HECW1: variants seen among roughly 807,000 people sequenced by gnomAD.
HECW1 encodes the protein E3 ubiquitin-protein ligase HECW1.
In HECW1, 61 loss-of-function variants were observed where a neutral mutation model predicts 182.3. The observed-to-expected ratio is 0.33, with a 90% confidence interval of 0.27 to 0.41. The LOEUF (loss-of-function observed/expected upper bound fraction) is 0.41. Among genes scored for constraint, HECW1 ranks in the 10% least tolerant of loss-of-function variants. The pLI, the probability that HECW1 is intolerant of heterozygous loss-of-function variation, is 1.00. For synonymous variants in HECW1, 859 were observed against 832.6 expected (o/e 1.03, Z -0.55); for missense variants, 1,739 against 2,108.9 (o/e 0.82, Z 3.44).
At chr7:43,423,271 T>A (rs1279325111) in intron 8 of HECW1, among the ~76,000 whole-genome samples, 1 of 152,228 alleles carries the variant, frequency 6.6e-6, no homozygotes, top group African/African-American at 2.4e-5. Context: ...TTCCCTGACA[T>A]AGACAACCAT....
At chr7:43,304,551 C>T (rs1002215176) in intron 3 of HECW1, among the ~76,000 whole-genome samples, 14 of 151,756 alleles carry the variant, frequency 9.2e-5, no homozygotes, top group African/African-American at 1.9e-4. Context: ...AGTGCAGTGG[C>T]GCAATCTTAG....
intron 3 of HECW1, among the ~76,000 whole-genome samples, chr7:43,282,800 A>G (rs1001335104): frequency 2.0e-5 from 3 of 152,204 alleles, no homozygotes; most frequent in Admixed American, 6.5e-5. Flanking sequence ...ACAGCATGAT[A>G]TTCACAGCAT....
chr7:43,507,979 A>C, intron 22 of HECW1, 39 bp from the exon 23 acceptor site: 2 of 1,443,994 alleles, frequency 1.4e-6, no homozygotes, highest in Non-Finnish European at 1.9e-6. Context: ...CAGCATCCTG[A>C]CTTCAGGGCC....
chr7:43,212,766 T>C (rs922669733), intron 2 of HECW1, among the ~76,000 whole-genome samples: 2 of 152,240 alleles, frequency 1.3e-5, no homozygotes, highest in African/African-American at 4.8e-5. Flanking sequence ...TTTTACTTTA[T>C]TTCCAGTCAT....
chr7:43,450,161 C>G (rs138995492), intron 11 of HECW1, among the ~76,000 whole-genome samples: 7 of 152,144 alleles, frequency 4.6e-5, no homozygotes, highest in Non-Finnish European at 7.3e-5. Context: ...GTCCTTTCCT[C>G]TTTCCGGAGC....
intron 3 of HECW1, among the ~76,000 whole-genome samples, chr7:43,302,917 C>T (rs1807022724): frequency 1.3e-5 from 2 of 150,776 alleles, no homozygotes; most frequent in Admixed American, 1.3e-4. Context: ...CTTACACACA[C>T]ACCACACACA....
chr7:43,558,291 G>C (rs1176566176), intron 29 of HECW1, among the ~76,000 whole-genome samples: 1 of 152,132 alleles, frequency 6.6e-6, no homozygotes, highest in Non-Finnish European at 1.5e-5. Context: ...TTTACCTTTG[G>C]GGCAGGGACC....
chr7:43,112,678 C>T lies in HECW1; in HGVS notation c.-526C>T, dbSNP rs1472578611. ...GGCGCTGTTGTTGGAGCCGGAACAC[C>T]GTGCGACTCTGACCGAACCGGCCCC... On this transcript the variant is annotated 5_prime_UTR_variant, in exon 1 of 30. Coordinates refer to ENST00000395891, the MANE Select transcript of HECW1 (RefSeq NM_015052.5). 4.3e-6 allele frequency: 1 copy of T among 229,930 alleles called. No homozygotes were observed. The highest frequency in any genetic ancestry group is 1.8e-4 in the South Asian group (1 of 5,498). The allele number at this position is 229,930 out of a possible 1,614,324, so 14.2% of individuals were successfully genotyped here. A position where few individuals can be genotyped will look rare whatever the true frequency, so the allele number is the denominator to read the frequency against.
chr7:43,338,183 C>T (rs944556374), intron 5 of HECW1, among the ~76,000 whole-genome samples: 1 of 152,110 alleles, frequency 6.6e-6, no homozygotes, highest in Non-Finnish European at 1.5e-5. Context: ...CTGCTCTTGT[C>T]GTTGGCCTGG....
intron 2 of HECW1, among the ~76,000 whole-genome samples, chr7:43,219,639 TAGAACAGAAC>T (rs563382870): frequency 8.6e-5 from 13 of 150,902 alleles, no homozygotes; most frequent in South Asian, 4.2e-4. Context: ...ATAATTAGAA[TAGAACAGAAC>T]AGAACAGAAC....
intron 6 of HECW1, among the ~76,000 whole-genome samples, chr7:43,362,108 G>A (rs1816014584): frequency 1.6e-5 from 2 of 124,584 alleles, no homozygotes; most frequent in Non-Finnish European, 3.2e-5. Flanking sequence ...TCCAGCCTGG[G>A]CAACAAGAGT....
At chr7:43,203,377 C>T (rs760839267) in intron 2 of HECW1, among the ~76,000 whole-genome samples, 1 of 151,844 alleles carries the variant, frequency 6.6e-6, no homozygotes, top group Non-Finnish European at 1.5e-5. Flanking sequence ...TTTCCTTCTT[C>T]GATTATTTTT....
At chr7:43,247,010 T>A (rs11982278) in intron 3 of HECW1, among the ~76,000 whole-genome samples, 17,799 of 151,804 alleles carry the variant, frequency 0.12, 1,772 homozygotes, top group African/African-American at 0.27. Flanking sequence ...GTGGAAGGAG[T>A]TGGTGGCTGG....
rs149840474 is a variant in HECW1 at position 43,497,580 on chromosome 7, G to A, written c.3438-3119G>A. 2.3e-4 allele frequency among the ~76,000 whole-genome samples: 35 copies of A among 152,254 alleles called. No homozygotes were observed. The East Asian group carries it at 6.6e-3, about 29-fold the overall frequency. On this transcript the variant is annotated intron_variant, in intron 19 of 29. Coordinates refer to ENST00000395891, the MANE Select transcript of HECW1 (RefSeq NM_015052.5). ...AGGCAGCTCTGTGGGGAAAAGATAG[G>A]CTGGGGAGGGGCATAAGATGGAACA...
chr7:43,139,581 C>T (rs1437863522), intron 2 of HECW1, among the ~76,000 whole-genome samples: 3 of 152,106 alleles, frequency 2.0e-5, no homozygotes, highest in Non-Finnish European at 2.9e-5. Flanking sequence ...TCACATGATT[C>T]GTGCCATTTT....
In HECW1 at chr7:43,444,666, A is replaced by G; in HGVS notation, c.1494A>G (p.Gly498=). The G allele has an allele frequency of 6.2e-7, 1 of 1,605,894 alleles. No homozygotes were observed. Among genetic ancestry groups the G allele is most frequent in the Non-Finnish European group, 8.5e-7 (1 of 1,176,008 alleles). The change falls in exon 11 of 30, where the codon GGA becomes GGG. Residue 498 remains glycine, a synonymous_variant. Transcript: ENST00000395891. This position sits in a 1 kb window ranked among gnomAD's most constrained non-coding sequence, Gnocchi z 4.3. ...AAGCAACGACCCAGAGCCGGGCTGG[A>G]AGGGAAGAAGAGGAGAAGGAGCAGG... ...EEEATTQSRA[G]REEEEKEQEE...
chr7:43,377,980 G>T (rs2074393726), intron 6 of HECW1: 1 of 180,508 alleles, frequency 5.5e-6, no homozygotes, highest in African/African-American at 2.4e-5. Context: ...CAGTTTATGG[G>T]TACAATGTAG....
intron 5 of HECW1, among the ~76,000 whole-genome samples, chr7:43,327,702 C>T (rs17172196): frequency 0.15 from 22,093 of 152,038 alleles, 1,845 homozygotes; most frequent in African/African-American, 0.23. Context: ...GGAAGGAGCC[C>T]AAGCTACCAA....
intron 5 of HECW1, among the ~76,000 whole-genome samples, chr7:43,322,349 C>G (rs1033366851): frequency 6.6e-6 from 1 of 152,170 alleles, no homozygotes; most frequent in African/African-American, 2.4e-5. Flanking sequence ...CGTGAGCCAC[C>G]GCACCTGGCC....
Sources: gnomAD v4.1 joint callset for allele counts (sites outside exome capture counted in the v4.1 genomes callset) on GRCh38, gnomAD v4.1.1 for gene constraint, Gnocchi (gnomAD v3.1) non-coding constraint, MANE v1.5 for transcripts, NCBI Gene and HGNC (gene_info 2026-07-23, HGNC 2026-07-21) for gene names.